The following CCDC149 variants were observed in gnomAD, a reference collection of about 807,000 sequenced individuals.
The protein encoded by CCDC149 is coiled-coil domain containing 149.
Under a neutral mutation model 59.9 loss-of-function variants are expected in CCDC149, and 45 were observed. The ratio of observed to expected loss-of-function variants is 0.75; its 90% CI spans 0.59 to 0.96. CCDC149 has a LOEUF of 0.96. CCDC149 is among the 40% of genes least tolerant of loss of function. The pLI is 0.00. For synonymous variants in CCDC149, 245 were observed against 260.6 expected (o/e 0.94, Z 0.58); for missense variants, 584 against 664.7 (o/e 0.88, Z 1.33).
chr4:24,853,213 G>A, intron 3 of CCDC149, 34 bp from the exon 4 acceptor site: 3 of 1,484,036 alleles, frequency 2.0e-6, no homozygotes, highest in South Asian at 1.1e-5. Flanking sequence ...AATACAATCA[G>A]AAATGGAGGA....
At chr4:24,820,120 C>G in intron 11 of CCDC149, 145 bp from the exon 12 acceptor site, 1 of 618,676 alleles carries the variant, frequency 1.6e-6, no homozygotes, top group Non-Finnish European at 2.9e-6. Flanking sequence ...TGACATGCTC[C>G]ATACTTCCTT....
intron 1 of CCDC149, among the ~76,000 whole-genome samples, chr4:24,953,954 T>C (rs1363277069): frequency 6.6e-6 from 1 of 151,416 alleles, no homozygotes; most frequent in Admixed American, 6.6e-5. Flanking sequence ...AAAGAATCAG[T>C]GAACTTTAAT....
intron 9 of CCDC149, among the ~76,000 whole-genome samples, chr4:24,826,724 A>G (rs1393179535): frequency 6.6e-6 from 1 of 152,166 alleles, no homozygotes; most frequent in Non-Finnish European, 1.5e-5. Flanking sequence ...GGGAGTTGAG[A>G]AGAGGCAACT....
At chr4:24,878,014 C>CA (rs1719573453) in intron 1 of CCDC149, among the ~76,000 whole-genome samples, 1 of 152,174 alleles carries the variant, frequency 6.6e-6, no homozygotes, top group Non-Finnish European at 1.5e-5. Context: ...TACACTCTGA[C>CA]ATGAGTACTT....
intron 12 of CCDC149, among the ~76,000 whole-genome samples, chr4:24,818,540 G>A (rs1214469428): frequency 1.3e-5 from 2 of 152,328 alleles, no homozygotes; most frequent in Admixed American, 6.5e-5. Flanking sequence ...GTTGAGCTGG[G>A]TGGTTCTGGC....
At chr4:24,855,644 C>T (rs1162990137) in intron 3 of CCDC149, among the ~76,000 whole-genome samples, 2 of 137,890 alleles carry the variant, frequency 1.5e-5, no homozygotes, top group Admixed American at 1.5e-4. Context: ...TTTAATCAAG[C>T]CCTGATCTCT....
At chr4:24,873,505 G>C (rs986799719) in intron 3 of CCDC149, among the ~76,000 whole-genome samples, 176 bp downstream of exon 3, 3 of 152,154 alleles carry the variant, frequency 2.0e-5, no homozygotes, top group African/African-American at 7.2e-5. Context: ...ACTTCACTGG[G>C]TTTCCTTCAC....
At chr4:24,972,092 A>G (rs772997066) in intron 1 of CCDC149, among the ~76,000 whole-genome samples, 22 of 152,088 alleles carry the variant, frequency 1.4e-4, no homozygotes, top group Non-Finnish European at 2.2e-4. Flanking sequence ...TTGTGGCCCA[A>G]CCACCTTGGG....
chr4:24,843,990 G>C (rs1717100653), intron 4 of CCDC149, among the ~76,000 whole-genome samples: 1 of 152,026 alleles, frequency 6.6e-6, no homozygotes, highest in Non-Finnish European at 1.5e-5. Context: ...GCCTTTGGAA[G>C]AGCCCACTCA....
Position 24,873,340 on chromosome 4 carries a change from C to G in CCDC149, c.264+341G>C, listed in dbSNP as rs148575191. On this transcript the variant is annotated intron_variant, in intron 3 of 12. Coordinates refer to ENST00000635206, the MANE Select transcript of CCDC149 (RefSeq NM_001330643.2). ...CACTGAACAGTATGCACCCACAGAACAGTATGCACCCAACAAATGTTATAT... is the reference window on the plus strand; with the variant it reads ...CACTGAACAGTATGCACCCACAGAAGAGTATGCACCCAACAAATGTTATAT... Among the ~76,000 whole-genome samples the G allele has an allele frequency of 7.9e-5, 12 of 152,084 alleles. No homozygotes were observed. In the East Asian group the frequency reaches 1.7e-3, roughly 22 times the overall value.
chr4:24,811,263 T>C (rs1364390779), intron 12 of CCDC149, among the ~76,000 whole-genome samples: 1 of 152,184 alleles, frequency 6.6e-6, no homozygotes, highest in African/African-American at 2.4e-5. Context: ...CATCTTTCCT[T>C]TGCTACACTG....
At chr4:24,958,742 GAAAAA>G (rs199755366) in intron 1 of CCDC149, among the ~76,000 whole-genome samples, 1 of 151,786 alleles carries the variant, frequency 6.6e-6, no homozygotes, top group East Asian at 1.9e-4. Flanking sequence ...AAACAGAGAA[GAAAAA>G]AAAGCCAGGT....
At chr4:24,944,317 C>T (rs778361824) in intron 1 of CCDC149, among the ~76,000 whole-genome samples, 1 of 151,278 alleles carries the variant, frequency 6.6e-6, no homozygotes, top group Non-Finnish European at 1.5e-5. Context: ...CCAAACACCG[C>T]ATGTTCTCAC....
chr4:24,819,911 T>A lies in CCDC149; in HGVS notation c.1140A>T (p.Pro380=), dbSNP rs1377845502. 6.4e-7 allele frequency: 1 copy of A among 1,551,594 alleles called. No homozygotes were observed. The highest frequency in any genetic ancestry group is 1.4e-5 in the African/African-American group (1 of 73,126). ...TGGGCTGCTCGACAAACTTCAGCAG[T>A]GGGGATCTCGACCTCTGTCCACTAG... The change falls in exon 12 of 13, where the codon CCA becomes CCT. Residue 380 remains proline, a synonymous_variant. Transcript: ENST00000635206.
chr4:24,941,245 C>G (rs1459871214), intron 1 of CCDC149, among the ~76,000 whole-genome samples: 1 of 152,206 alleles, frequency 6.6e-6, no homozygotes, highest in Admixed American at 6.5e-5. Flanking sequence ...AAGAAACTCA[C>G]TCAAAACTGC....
At position 24,822,576 on chromosome 4, in the gene CCDC149, G is replaced by GA; in HGVS notation, c.966-4dup. ...CAGCCACCCGATTCCCTAGGATTCTGAAAAAAGGGGAGAAAATGACAATCA... is the reference window on the plus strand; with the variant it reads ...CAGCCACCCGATTCCCTAGGATTCTGAAAAAAAGGGGAGAAAATGACAATCA... On this transcript the variant is annotated splice_region_variant and splice_polypyrimidine_tract_variant and intron_variant, in intron 9 of 12. Coordinates refer to ENST00000635206, the MANE Select transcript of CCDC149 (RefSeq NM_001330643.2). 2 of 1,526,934 alleles carry GA rather than the reference G, an allele frequency of 1.3e-6. No homozygotes were observed. 94.6% of individuals were successfully genotyped at this position (1,526,934 alleles called of 1,614,324 possible).
chr4:24,882,016 G>T (rs1422983766), intron 1 of CCDC149, among the ~76,000 whole-genome samples: 1 of 152,128 alleles, frequency 6.6e-6, no homozygotes, highest in South Asian at 2.1e-4. Context: ...AATATTCATG[G>T]AGTTGGTTAC....
At chr4:24,893,111 T>C (rs1167278208) in intron 1 of CCDC149, among the ~76,000 whole-genome samples, 2 of 152,204 alleles carry the variant, frequency 1.3e-5, no homozygotes, top group Non-Finnish European at 2.9e-5. Context: ...ACGATGGCAA[T>C]TAAGTTTCCA....
intron 1 of CCDC149, among the ~76,000 whole-genome samples, chr4:24,920,096 C>A (rs951794796): frequency 3.9e-5 from 6 of 152,192 alleles, no homozygotes; most frequent in Admixed American, 3.3e-4. Context: ...ATTTGAAGTT[C>A]ATGAAGAGCA....
Sources: gnomAD v4.1 joint callset for allele counts (sites outside exome capture counted in the v4.1 genomes callset) on GRCh38, gnomAD v4.1.1 for gene constraint, MANE v1.5 for transcripts, NCBI Gene and HGNC (gene_info 2026-07-23, HGNC 2026-07-21) for gene names.